HSPBAP1: variants seen among roughly 807,000 people sequenced by gnomAD.
HSPBAP1 encodes the protein HSPB1-associated protein 1.
HSPBAP1 carries 27 observed loss-of-function variants against 45.2 expected under a neutral mutation model. That is an observed-to-expected ratio of 0.60 (90% CI 0.44 to 0.82). HSPBAP1 has a LOEUF of 0.82. HSPBAP1 is among the 40% of genes least tolerant of loss of function. The pLI is 0.00. For synonymous variants in HSPBAP1, 204 were observed against 202.7 expected (o/e 1.01, Z -0.06); for missense variants, 510 against 590.9 (o/e 0.86, Z 1.42).
At chr3:122,753,839 G>A (rs1934247110) in intron 5 of HSPBAP1, 2 of 984,726 alleles carry the variant, frequency 2.0e-6, no homozygotes, top group East Asian at 1.1e-4. Context: ...GTGGATTAAA[G>A]AATGGATAGG....
At chr3:122,767,328 C>T (rs1039550299) in intron 3 of HSPBAP1, among the ~76,000 whole-genome samples, 2 of 152,136 alleles carry the variant, frequency 1.3e-5, no homozygotes, top group African/African-American at 2.4e-5. Context: ...CACTTAAAGT[C>T]GGGAATTTGA....
chr3:122,793,730 G>A lies in HSPBAP1; in HGVS notation c.-50C>T. The A allele has an allele frequency of 6.3e-7, 1 of 1,586,656 alleles. No individual in the cohort carries two copies. The highest frequency in any genetic ancestry group is 1.3e-5 in the African/African-American group (1 of 74,610). ...GGAACCCAAGGCGGAGCGGAGCTGG[G>A]GTGGGGTCAGAGTAGGGGCCAAACT... On this transcript the variant is annotated 5_prime_UTR_variant, in exon 1 of 8. Transcript: ENST00000306103.
rs1470504956 is a variant in HSPBAP1, at chr3:122,786,892, G to A, written c.64+6725C>T. 2.6e-5 allele frequency among the ~76,000 whole-genome samples: 4 copies of A among 152,226 alleles called. No individual in the cohort carries two copies. In the East Asian group the frequency reaches 7.7e-4, roughly 29 times the overall value. On this transcript the variant is annotated intron_variant, in intron 1 of 7. Coordinates refer to ENST00000306103, the MANE Select transcript of HSPBAP1 (RefSeq NM_024610.6). ...CTGATAATTTAATCAACAATAAACT[G>A]GGCCATTAAATTAATGAATTTAAAT... is the stretch of plus-strand genomic sequence containing the variant.
chr3:122,748,105 C>T (rs1560111479), intron 6 of HSPBAP1, among the ~76,000 whole-genome samples: 1 of 152,222 alleles, frequency 6.6e-6, no homozygotes, highest in African/African-American at 2.4e-5. Context: ...CTCTCTGAAA[C>T]ATGTGCTGTG....
intron 2 of HSPBAP1, among the ~76,000 whole-genome samples, chr3:122,771,388 T>C (rs1330678885): frequency 6.6e-6 from 1 of 152,216 alleles, no homozygotes; most frequent in African/African-American, 2.4e-5. Context: ...TAGGCAACTA[T>C]AATGTTCATC....
At chr3:122,791,670 G>A (rs1172988389) in intron 1 of HSPBAP1, among the ~76,000 whole-genome samples, 2 of 152,202 alleles carry the variant, frequency 1.3e-5, no homozygotes, top group African/African-American at 4.8e-5. Context: ...TAAATAGTTT[G>A]ATCTGGTAAG....
At chr3:122,780,509 G>A (rs1378698900) in intron 1 of HSPBAP1, among the ~76,000 whole-genome samples, 1 of 128,274 alleles carries the variant, frequency 7.8e-6, no homozygotes, top group Non-Finnish European at 1.6e-5. Flanking sequence ...GGCGGGGGCT[G>A]ACCCCCCCAC....
intron 2 of HSPBAP1, among the ~76,000 whole-genome samples, chr3:122,776,995 A>G (rs998643160): frequency 1.3e-5 from 2 of 152,214 alleles, no homozygotes; most frequent in African/African-American, 4.8e-5. Flanking sequence ...ATTGAAATAC[A>G]AGTTAAACAT....
intron 1 of HSPBAP1, among the ~76,000 whole-genome samples, chr3:122,785,039 C>A (rs1560168759): frequency 2.0e-5 from 3 of 152,178 alleles, no homozygotes; most frequent in Non-Finnish European, 2.9e-5. Flanking sequence ...TCCCCTCAGT[C>A]CAAGTCCAGT....
chr3:122,740,842 A>G lies in HSPBAP1; in HGVS notation c.970T>C (p.Tyr324His), dbSNP rs1933642225. 2 of 1,614,206 alleles carry G rather than the reference A, an allele frequency of 1.2e-6. No homozygotes were observed. Among genetic ancestry groups the G allele is most frequent in the Non-Finnish European group, 1.7e-6 (2 of 1,180,044 alleles). The change falls in exon 8 of 8, where the codon TAC becomes CAC. Residue 324 changes from tyrosine to histidine, a missense_variant. Physicochemically the swap from Tyr to His is moderately conservative, Grantham distance 83. Transcript: ENST00000306103. The part of the protein sequence containing the change: ...EETSHAVNCC[Y>H]LNAAVSAFFD... ...AATGCAGAAACAGCTGCATTTAAGT[A>G]GCAACAGTTGACTGCATGGGACGTT...
chr3:122,748,595 T>C (rs1934012576), intron 6 of HSPBAP1, among the ~76,000 whole-genome samples: 1 of 152,240 alleles, frequency 6.6e-6, no homozygotes, highest in Non-Finnish European at 1.5e-5. Context: ...CAGATTTTGT[T>C]GGTGAGGCTG....
intron 4 of HSPBAP1, 119 bp downstream of exon 4, chr3:122,759,105 C>A (rs1203787237): frequency 7.2e-7 from 1 of 1,398,572 alleles, no homozygotes. Flanking sequence ...GGCAGGCTGA[C>A]AGGATGGGGC....
intron 2 of HSPBAP1, among the ~76,000 whole-genome samples, chr3:122,770,686 GT>G (rs1338375752): frequency 1.2e-4 from 19 of 152,152 alleles, no homozygotes; most frequent in African/African-American, 4.1e-4. Flanking sequence ...GGGTGACACA[GT>G]GAGATCCTGT....
chr3:122,770,041 A>G (rs985868033), intron 2 of HSPBAP1, among the ~76,000 whole-genome samples: 9 of 152,234 alleles, frequency 5.9e-5, no homozygotes, highest in African/African-American at 2.2e-4. Context: ...ACCCTTTAAA[A>G]GTTAGCTGAA....
intron 3 of HSPBAP1, among the ~76,000 whole-genome samples, chr3:122,767,583 A>C (rs561227748): frequency 7.9e-5 from 12 of 152,234 alleles, no homozygotes; most frequent in African/African-American, 2.4e-4. Flanking sequence ...ACAACAACAA[A>C]AAAAACAACT....
At chr3:122,782,438 A>G (rs771072551) in intron 1 of HSPBAP1, among the ~76,000 whole-genome samples, 18 of 152,208 alleles carry the variant, frequency 1.2e-4, no homozygotes, top group Non-Finnish European at 1.9e-4. Flanking sequence ...TGGATAGGAT[A>G]GTAAAGATTA....
intron 1 of HSPBAP1, among the ~76,000 whole-genome samples, chr3:122,782,486 T>A (rs1935519553): frequency 6.6e-6 from 1 of 152,136 alleles, no homozygotes; most frequent in African/African-American, 2.4e-5. Context: ...GTTTCTCTTT[T>A]AAAGACATCT....
Position 122,740,505 on chromosome 3 carries a change from A to G in HSPBAP1, c.1307T>C (p.Ile436Thr), listed in dbSNP as rs1933623779. 2 of 1,614,124 alleles carry G rather than the reference A, an allele frequency of 1.2e-6. No individual in the cohort carries two copies. Among genetic ancestry groups the G allele is most frequent in the Non-Finnish European group, 1.7e-6 (2 of 1,180,022 alleles). The change falls in exon 8 of 8, where the codon ATA becomes ACA. Residue 436 changes from isoleucine (I) to threonine (T), a missense_variant. By Grantham distance (89) the Ile-to-Thr change is moderately conservative. Transcript: ENST00000306103. ...GKLHCAKRQQ[I>T]MSNSENAIEE... Reference sequence around the variant, plus strand: ...AATTGCATTTTCACTGTTGCTCATTATTTGTTGTCTCTTGGCACAATGCAA... The same window carrying G: ...AATTGCATTTTCACTGTTGCTCATTGTTTGTTGTCTCTTGGCACAATGCAA...
At chr3:122,762,271 C>CT (rs535189641) in intron 3 of HSPBAP1, among the ~76,000 whole-genome samples, 87 of 145,584 alleles carry the variant, frequency 6.0e-4, no homozygotes, top group East Asian at 1.6e-3. Flanking sequence ...TCTCCTTTAT[C>CT]TTTTTTTTTT....
Sources: allele counts gnomAD v4.1 joint callset (sites outside exome capture counted in the v4.1 genomes callset), GRCh38; gene constraint gnomAD v4.1.1; transcripts MANE v1.5; gene names NCBI Gene and HGNC (gene_info 2026-07-23, HGNC 2026-07-21).